Variants in VPS13A observed in about 807,000 individuals in gnomAD.
VPS13A encodes vacuolar protein sorting 13 homolog A.
Under a neutral mutation model 390.9 loss-of-function variants are expected in VPS13A, and 264 were observed. That is an observed-to-expected ratio of 0.68 (90% CI 0.61 to 0.75). VPS13A has a LOEUF of 0.75. Ranked by LOEUF, VPS13A falls within the 30% of genes least tolerant of loss-of-function variation. VPS13A has a pLI of 0.00. For missense variants in VPS13A, 3,409 were observed against 3,733.9 expected (o/e 0.91, Z 2.27); for synonymous variants, 1,231 against 1,227.1 (o/e 1.00, Z -0.07).
At chr9:77,354,126 C>A (rs916173754) in intron 54 of VPS13A, among the ~76,000 whole-genome samples, 1 of 151,978 alleles carries the variant, frequency 6.6e-6, no homozygotes, top group African/African-American at 2.4e-5. Context: ...CCCTTATGTC[C>A]TTATTATTCC....
At chr9:77,303,213 A>T in intron 34 of VPS13A, 151 bp downstream of exon 34, 1 of 842,278 alleles carries the variant, frequency 1.2e-6, no homozygotes, top group Non-Finnish European at 1.8e-6. Context: ...AATTCATTTT[A>T]AAATGGTCTT....
chr9:77,193,104 A>C (rs1292132069), intron 1 of VPS13A, among the ~76,000 whole-genome samples: 1 of 151,720 alleles, frequency 6.6e-6, no homozygotes, highest in East Asian at 1.9e-4. Context: ...AGTTCTTGAG[A>C]TTCCCTCCTC....
chr9:77,336,613 T>C (rs1830549754), intron 46 of VPS13A, among the ~76,000 whole-genome samples: 1 of 151,652 alleles, frequency 6.6e-6, no homozygotes, highest in Non-Finnish European at 1.5e-5. Context: ...TTCAGTTATA[T>C]ATGCAAGTCA....
chr9:77,287,991 T>A (rs1827431287), intron 31 of VPS13A, among the ~76,000 whole-genome samples: 1 of 152,208 alleles, frequency 6.6e-6, no homozygotes, highest in South Asian at 2.1e-4. Flanking sequence ...GCATATACAA[T>A]GGGTCTGTCA....
At chr9:77,337,205 A>G (rs1830585215) in intron 46 of VPS13A, 50 bp from the exon 47 acceptor site, 2 of 1,526,856 alleles carry the variant, frequency 1.3e-6, no homozygotes, top group Non-Finnish European at 1.8e-6. Flanking sequence ...ATATAGTTTA[A>G]TATGTTTTCC....
chr9:77,211,946 C>T (rs868544501), intron 7 of VPS13A, among the ~76,000 whole-genome samples: 1 of 152,076 alleles, frequency 6.6e-6, no homozygotes, highest in Admixed American at 6.6e-5. Context: ...AGGATCCTAG[C>T]GAACCTTATT....
chr9:77,272,754 C>T (rs953897251), intron 23 of VPS13A, among the ~76,000 whole-genome samples: 2 of 152,092 alleles, frequency 1.3e-5, no homozygotes, highest in African/African-American at 4.8e-5. Flanking sequence ...GAAGATGCTT[C>T]TAGGTCAGGA....
At chr9:77,403,113 G>A in intron 68 of VPS13A, 123 bp from the exon 69 acceptor site, 1 of 673,146 alleles carries the variant, frequency 1.5e-6, no homozygotes, top group Non-Finnish European at 2.6e-6. Flanking sequence ...ATAATTAAAT[G>A]TTTTCTCTAT....
rs1322353303 is a variant in VPS13A at position 77,365,545 on chromosome 9, A to G, written c.8297A>G (p.Tyr2766Cys). 1 of 1,611,470 alleles carries G rather than the reference A, an allele frequency of 6.2e-7. No individual in the cohort carries two copies. The highest frequency in any genetic ancestry group is 8.5e-7 in the Non-Finnish European group (1 of 1,178,056). Residue 2766 changes from tyrosine to cysteine, a missense_variant, in exon 60 of 72, where the codon TAT becomes TGT. Physicochemically the swap from Tyr to Cys is radical, Grantham distance 194 (BLOSUM62 -2). Transcript: ENST00000360280. ...GTAGATCAATCACAAGTCAGCCTCT[A>G]TGAATATTTTCATATATCTCCTATC... is the stretch of plus-strand genomic sequence containing the variant. The part of the protein sequence containing the change: ...SLVDQSQVSL[Y>C]EYFHISPIKL...
chr9:77,378,152 A>G (rs1363880037), intron 67 of VPS13A, among the ~76,000 whole-genome samples: 1 of 152,180 alleles, frequency 6.6e-6, no homozygotes. Context: ...TATGGGTATC[A>G]GGGTAATATT....
At chr9:77,260,551 T>C (rs542336792) in intron 23 of VPS13A, among the ~76,000 whole-genome samples, 1 of 151,596 alleles carries the variant, frequency 6.6e-6, no homozygotes, top group Admixed American at 6.6e-5. Context: ...GAGACGGGGT[T>C]TCACCGTGTT....
At position 77,320,486 on chromosome 9, in the gene VPS13A, G is replaced by C. The variant is rs1167059301; in HGVS notation, c.5416-683G>C. The stretch of plus-strand genomic sequence containing the variant: ...AGCAAGAGACTGCAGAATTACTCAC[G>C]TGTTTCCTACCTAATAATGACTTGG... On this transcript the variant is annotated intron_variant, in intron 42 of 71. Transcript: ENST00000360280. Among the ~76,000 whole-genome samples the C allele has an allele frequency of 2.6e-5, 4 of 152,132 alleles. No homozygotes were observed. The East Asian group carries it at 7.7e-4, about 29-fold the overall frequency.
intron 22 of VPS13A, among the ~76,000 whole-genome samples, chr9:77,255,108 G>A (rs1825365554): frequency 6.6e-6 from 1 of 152,080 alleles, no homozygotes; most frequent in African/African-American, 2.4e-5. Flanking sequence ...TCACCATTGA[G>A]TATGATGTCA....
At position 77,302,013 on chromosome 9, in the gene VPS13A, A is replaced by C. The variant is rs141703063; in HGVS notation, c.3813-902A>C. On this transcript the variant is annotated intron_variant, in intron 33 of 71. Coordinates refer to ENST00000360280, the MANE Select transcript of VPS13A (RefSeq NM_033305.3). Reference sequence around the variant, plus strand: ...ACTCTTGTTGCCCAGGCTGGAGAGCAATGGCATGATCTTGGTTCAATGCAA... The same window carrying C: ...ACTCTTGTTGCCCAGGCTGGAGAGCCATGGCATGATCTTGGTTCAATGCAA... Among the ~76,000 whole-genome samples, 873 of 151,470 alleles carry C rather than the reference A, an allele frequency of 5.8e-3. 12 individuals are homozygous for C. Among genetic ancestry groups the C allele is most frequent in the African/African-American group, 0.02 (842 of 41,234 alleles).
intron 34 of VPS13A, among the ~76,000 whole-genome samples, chr9:77,306,085 TAC>T (rs1174624360): frequency 1.3e-5 from 2 of 152,160 alleles, no homozygotes; most frequent in Non-Finnish European, 2.9e-5. Context: ...GCTACATAGT[TAC>T]AAACTAAGTG....
intron 68 of VPS13A, among the ~76,000 whole-genome samples, chr9:77,394,515 G>C (rs990448232): frequency 2.6e-5 from 4 of 152,158 alleles, no homozygotes; most frequent in African/African-American, 9.7e-5. Context: ...TCCAGGTTGA[G>C]CAAAACAGCA....
chr9:77,324,064 T>TA (rs1564729400), intron 45 of VPS13A, among the ~76,000 whole-genome samples: 1 of 152,154 alleles, frequency 6.6e-6, no homozygotes, highest in African/African-American at 2.4e-5. Context: ...ATCAATTTTA[T>TA]AAAAAATCTG....
At chr9:77,329,680 G>A (rs1427960629) in intron 45 of VPS13A, among the ~76,000 whole-genome samples, 1 of 152,130 alleles carries the variant, frequency 6.6e-6, no homozygotes, top group Non-Finnish European at 1.5e-5. Flanking sequence ...TAGAAAAATG[G>A]CACCAATAGA....
At chr9:77,391,184 A>C (rs1409131577) in intron 68 of VPS13A, among the ~76,000 whole-genome samples, 2 of 152,196 alleles carry the variant, frequency 1.3e-5, no homozygotes, top group Non-Finnish European at 2.9e-5. Context: ...ATAGAGCTCT[A>C]CCTAGTAACT....
Sources: allele counts gnomAD v4.1 joint callset (sites outside exome capture counted in the v4.1 genomes callset), GRCh38; gene constraint gnomAD v4.1.1; transcripts MANE v1.5; gene names NCBI Gene and HGNC (gene_info 2026-07-23, HGNC 2026-07-21).